CATSPERT: variants seen among roughly 807,000 people sequenced by gnomAD.
The protein encoded by CATSPERT is cation channel sperm-associated targeting subunit tau.
the CATSPERT span, among the ~76,000 whole-genome samples, chr2:201,603,021 T>C: frequency 6.6e-6 from 1 of 152,232 alleles, no homozygotes; most frequent in African/African-American, 2.4e-5. Flanking sequence ...TCAGATATTC[T>C]AGCCCTTTTG....
chr2:201,579,682 G>T, the CATSPERT span, among the ~76,000 whole-genome samples: 2 of 144,740 alleles, frequency 1.4e-5, no homozygotes, highest in East Asian at 2.0e-4. Context: ...GTGCGTTTTG[G>T]TTTTTTTTTT....
chr2:201,497,846 G>A, the CATSPERT span, among the ~76,000 whole-genome samples: 1 of 152,126 alleles, frequency 6.6e-6, no homozygotes, highest in African/African-American at 2.4e-5. Context: ...TTCTCCCAAG[G>A]TTCCAGTACA....
chr2:201,544,821 CAA>C, the CATSPERT span, among the ~76,000 whole-genome samples: 47,121 of 92,412 alleles, frequency 0.51, 9,470 homozygotes, highest in East Asian at 0.77. Flanking sequence ...CCTGTCTCTA[CAA>C]AAAAAAAAAA....
At chr2:201,610,781 TA>T in the CATSPERT span, among the ~76,000 whole-genome samples, 2 of 152,162 alleles carry the variant, frequency 1.3e-5, no homozygotes, top group Non-Finnish European at 2.9e-5. Flanking sequence ...ACCATGATCA[TA>T]TGGGATTTAT....
At chr2:201,545,574 A>G in the CATSPERT span, 1 of 1,438,394 alleles carries the variant, frequency 7.0e-7, no homozygotes, top group Non-Finnish European at 9.2e-7. Flanking sequence ...GCTCCTCTTC[A>G]GGATGATTAC....
the CATSPERT span, among the ~76,000 whole-genome samples, chr2:201,544,034 G>C: frequency 6.6e-6 from 1 of 152,148 alleles, no homozygotes; most frequent in East Asian, 1.9e-4. Context: ...ACAGGCCCCA[G>C]TGTGTGATGT....
chr2:201,594,954 G>A, the CATSPERT span, among the ~76,000 whole-genome samples: 1 of 151,426 alleles, frequency 6.6e-6, no homozygotes, highest in African/African-American at 2.4e-5. Context: ...TAATTTGATT[G>A]TCTGAAGCCT....
At chr2:201,550,434 A>G in the CATSPERT span, 3 of 152,182 alleles carry the variant, frequency 2.0e-5, no homozygotes, top group Admixed American at 6.5e-5. Flanking sequence ...GCCTATTTCA[A>G]TTAAAAATTT....
chr2:201,508,997 A>G, the CATSPERT span, among the ~76,000 whole-genome samples: 1 of 143,316 alleles, frequency 7.0e-6, no homozygotes, highest in Non-Finnish European at 1.5e-5. Flanking sequence ...ATATATACCC[A>G]GAAATAGGTA....
the CATSPERT span, among the ~76,000 whole-genome samples, chr2:201,533,233 C>T: frequency 9.2e-5 from 14 of 152,300 alleles, no homozygotes; most frequent in South Asian, 2.7e-3. Flanking sequence ...AGAAAAGACA[C>T]ATATGTGAAA....
chr2:201,595,188 C>T, the CATSPERT span, among the ~76,000 whole-genome samples: 4 of 122,224 alleles, frequency 3.3e-5, no homozygotes, highest in African/African-American at 8.6e-5. Context: ...GTTAGTTTTC[C>T]TTCTTTTTTT....
At chr2:201,504,695 A>G in the CATSPERT span, among the ~76,000 whole-genome samples, 1 of 152,304 alleles carries the variant, frequency 6.6e-6, no homozygotes, top group Middle Eastern at 3.4e-3. Flanking sequence ...ATCTATAAGT[A>G]AAAAATCTTT....
At chr2:201,495,208 T>C in the CATSPERT span, among the ~76,000 whole-genome samples, 1 of 152,062 alleles carries the variant, frequency 6.6e-6, no homozygotes, top group Non-Finnish European at 1.5e-5. Flanking sequence ...ATGAAACTCA[T>C]GAAAAGTATC....
the CATSPERT span, among the ~76,000 whole-genome samples, chr2:201,529,519 A>G: frequency 6.6e-6 from 1 of 152,154 alleles, no homozygotes. Context: ...CTCTTTAATA[A>G]ATGATGTTGG....
chr2:201,594,331 T>A, the CATSPERT span, among the ~76,000 whole-genome samples: 1 of 152,216 alleles, frequency 6.6e-6, no homozygotes. Flanking sequence ...GCTTGTAGAG[T>A]TTCTGCCGAG....
the CATSPERT span, chr2:201,492,815 GT>G: frequency 6.5e-7 from 1 of 1,536,436 alleles, no homozygotes. Context: ...TAGATTTTTG[GT>G]AAGTCCTCCT....
At chr2:201,581,956 G>A in the CATSPERT span, 9 of 1,044,050 alleles carry the variant, frequency 8.6e-6, no homozygotes, top group Non-Finnish European at 1.2e-5. Flanking sequence ...ATAGCCAAAA[G>A]GAGATTTTAT....
At chr2:201,494,165 A>T in the CATSPERT span, 1 of 1,532,198 alleles carries the variant, frequency 6.5e-7, no homozygotes, top group South Asian at 1.2e-5. Context: ...TTTTTTTCCA[A>T]TACGTTGTCT....
At chr2:201,595,925 A>T in the CATSPERT span, among the ~76,000 whole-genome samples, 1 of 5,798 alleles carries the variant, frequency 1.7e-4, no homozygotes, top group Non-Finnish European at 1.1e-3. Flanking sequence ...AAAAAAAAAA[A>T]CAGATGCTGA....
Sources: gnomAD v4.1 joint callset for allele counts (sites outside exome capture counted in the v4.1 genomes callset) on GRCh38, gnomAD v4.1.1 for gene constraint, MANE v1.5 for transcripts, NCBI Gene and HGNC (gene_info 2026-07-23, HGNC 2026-07-21) for gene names.